Variants in NAV3 observed in about 807,000 individuals in gnomAD.
NAV3 encodes the protein pore membrane and/or filament interacting like protein 1.
A neutral mutation model predicts 244.7 loss-of-function variants in NAV3; 87 were observed. The ratio of observed to expected loss-of-function variants is 0.36; its 90% CI spans 0.30 to 0.42. The LOEUF is 0.42. Ranked by LOEUF, NAV3 falls within the 20% of genes least tolerant of loss-of-function variation. The pLI is 1.00. For synonymous variants in NAV3, 1,126 were observed against 1,042.2 expected, an observed-to-expected ratio of 1.08 and a Z score of -1.55; for missense variants, 2,663 against 2,893.3, an observed-to-expected ratio of 0.92 and a Z score of 1.83.
intron 1 of NAV3, among the ~76,000 whole-genome samples, chr12:77,856,880 T>C (rs1321083130): frequency 6.6e-6 from 1 of 152,148 alleles, no homozygotes; most frequent in Non-Finnish European, 1.5e-5. Flanking sequence ...TTCCAGATCT[T>C]GAGTGGATCT....
chr12:77,814,318 A>G (rs1872437998), intron 2 of NAV3, among the ~76,000 whole-genome samples: 1 of 152,198 alleles, frequency 6.6e-6, no homozygotes, highest in African/African-American at 2.4e-5. Flanking sequence ...GACAAATTTC[A>G]CAAGAATCAT....
intron 2 of NAV3, among the ~76,000 whole-genome samples, chr12:77,817,866 G>C (rs1005500481): frequency 6.6e-6 from 1 of 152,014 alleles, no homozygotes; most frequent in Non-Finnish European, 1.5e-5. Flanking sequence ...GTGTTCCTAA[G>C]CATCTTTCAC....
At chr12:78,089,099 G>A (rs569701522) in intron 12 of NAV3, among the ~76,000 whole-genome samples, 1 of 152,116 alleles carries the variant, frequency 6.6e-6, no homozygotes, top group East Asian at 1.9e-4. Flanking sequence ...AATATCGCAG[G>A]TCAGGTAATT....
chr12:78,036,683 G>A, intron 9 of NAV3: 1 of 528,858 alleles, frequency 1.9e-6, no homozygotes, highest in East Asian at 2.9e-5. Flanking sequence ...AAAGTGATGT[G>A]TCAAGCTAAA....
chr12:78,077,090 A>AATACAATT (rs1953089371), intron 12 of NAV3, among the ~76,000 whole-genome samples: 1 of 152,122 alleles, frequency 6.6e-6, no homozygotes, highest in Non-Finnish European at 1.5e-5. Context: ...TTTCTGAAAA[A>AATACAATT]ATACAATTAT....
rs1266803349 is a variant in NAV3, at chr12:78,212,842, C to G, written c.*2325C>G. ...AAAAGTTTTGTAGTCTTTGTAAAGC[C>G]CCAACAATAAGTACTTGGTGTCAAT... is the stretch of plus-strand genomic sequence containing the variant. On this transcript the variant is annotated 3_prime_UTR_variant, in exon 40 of 40. Transcript: ENST00000397909. The G allele has an allele frequency of 1.3e-5, 2 of 152,410 alleles. No homozygotes were observed. The highest frequency in any genetic ancestry group is 2.9e-5 in the Non-Finnish European group (2 of 67,990). 9.4% of individuals were successfully genotyped at this position (152,410 alleles called of 1,614,324 possible).
chr12:77,709,928 A>C (rs1876025216), intron 2 of NAV3, among the ~76,000 whole-genome samples: 1 of 152,218 alleles, frequency 6.6e-6, no homozygotes, highest in Admixed American at 6.5e-5. Context: ...CAAACCCTGC[A>C]GACCCAGTTA....
At chr12:77,621,475 C>CTTTTTTTTTTTTTTTTTT (rs1253726398) in intron 2 of NAV3, among the ~76,000 whole-genome samples, 1 of 142,028 alleles carries the variant, frequency 7.0e-6, no homozygotes. Flanking sequence ...TTTTTCTCTT[C>CTTTTTTTTTTTTTTTTTT]TCTTTTTTTT....
At chr12:77,597,238 C>T (rs1057184528) in intron 2 of NAV3, among the ~76,000 whole-genome samples, 1 of 152,060 alleles carries the variant, frequency 6.6e-6, no homozygotes, top group Non-Finnish European at 1.5e-5. Flanking sequence ...CGTGGCACCA[C>T]CAACAAGATA....
At chr12:77,955,115 A>G (rs981440846) in intron 3 of NAV3, among the ~76,000 whole-genome samples, 2 of 152,090 alleles carry the variant, frequency 1.3e-5, no homozygotes, top group African/African-American at 4.8e-5. Flanking sequence ...CCTTCTACCC[A>G]TGTTCTTCAA....
chr12:77,970,089 C>T (rs1892871922), intron 5 of NAV3, among the ~76,000 whole-genome samples: 1 of 152,104 alleles, frequency 6.6e-6, no homozygotes, highest in Admixed American at 6.6e-5. Flanking sequence ...TATATTTGTT[C>T]CTGAACAATG....
At chr12:77,940,987 ATTT>A in intron 2 of NAV3, 91 bp from the exon 3 acceptor site, 1 of 748,728 alleles carries the variant, frequency 1.3e-6, no homozygotes. Context: ...TTTGCTTGGT[ATTT>A]TTTTTTTCCT....
intron 2 of NAV3, among the ~76,000 whole-genome samples, chr12:77,736,594 G>A (rs779076385): frequency 2.6e-5 from 4 of 152,128 alleles, no homozygotes; most frequent in Non-Finnish European, 5.9e-5. Context: ...TTCTTACATG[G>A]TAATTTAGGG....
At chr12:78,037,373 C>T (rs1880079926) in intron 9 of NAV3, 2 of 701,416 alleles carry the variant, frequency 2.9e-6, no homozygotes, top group South Asian at 1.5e-5. Context: ...AGGCACTTTA[C>T]ACTGACTTAT....
chr12:77,672,496 C>A (rs906291485), intron 2 of NAV3, among the ~76,000 whole-genome samples: 2 of 151,980 alleles, frequency 1.3e-5, no homozygotes, highest in Non-Finnish European at 2.9e-5. Context: ...TGAAACCAAC[C>A]CAAATGCCCA....
chr12:78,190,545 A>T (rs1034765532), intron 34 of NAV3, among the ~76,000 whole-genome samples: 1 of 152,106 alleles, frequency 6.6e-6, no homozygotes, highest in Non-Finnish European at 1.5e-5. Flanking sequence ...ACAAGCAACA[A>T]GGAAGAATAA....
At chr12:78,185,249 C>T (rs1958662544) in intron 30 of NAV3, among the ~76,000 whole-genome samples, 1 of 151,782 alleles carries the variant, frequency 6.6e-6, no homozygotes, top group Non-Finnish European at 1.5e-5. Context: ...ATAGAAAAAT[C>T]AGATGGCTGT....
intron 5 of NAV3, among the ~76,000 whole-genome samples, chr12:77,985,451 T>G (rs2136301675): frequency 6.6e-6 from 1 of 152,348 alleles, no homozygotes; most frequent in Admixed American, 6.5e-5. Context: ...AGTATTTATA[T>G]ACTTTATAAG....
intron 2 of NAV3, among the ~76,000 whole-genome samples, chr12:77,654,131 T>A (rs549780082): frequency 7.6e-6 from 1 of 130,736 alleles, no homozygotes; most frequent in African/African-American, 2.8e-5. Flanking sequence ...GCACCGTGCG[T>A]GAGCCGAAGC....
Sources: allele counts gnomAD v4.1 joint callset (sites outside exome capture counted in the v4.1 genomes callset), GRCh38; gene constraint gnomAD v4.1.1; transcripts MANE v1.5; gene names NCBI Gene and HGNC (gene_info 2026-07-23, HGNC 2026-07-21).